GSTA3: variants seen among roughly 807,000 people sequenced by gnomAD.
GSTA3 encodes glutathione S-transferase alpha 3.
GSTA3 carries 16 observed loss-of-function variants against 23.1 expected under a neutral mutation model. The ratio of observed to expected loss-of-function variants is 0.69; its 90% CI spans 0.47 to 1.05. The LOEUF is 1.05. Among genes scored for constraint, GSTA3 ranks in the 50% least tolerant of loss-of-function variants. The pLI is 0.00. For synonymous variants in GSTA3, 122 were observed against 91.0 expected (o/e 1.34, Z -1.94); for missense variants, 319 against 263.6 (o/e 1.21, Z -1.46).
At chr6:52,903,168 C>T (rs948198207) in intron 3 of GSTA3, among the ~76,000 whole-genome samples, 2 of 152,014 alleles carry the variant, frequency 1.3e-5, no homozygotes, top group African/African-American at 4.8e-5. Context: ...GAGGTCTGGC[C>T]TTTTAGCCTG....
At chr6:52,907,504 C>T (rs542854362) in intron 1 of GSTA3, among the ~76,000 whole-genome samples, 2 of 150,830 alleles carry the variant, frequency 1.3e-5, no homozygotes, top group East Asian at 3.9e-4. Context: ...AATCATGCTG[C>T]TATAAAGACA....
intron 2 of GSTA3, among the ~76,000 whole-genome samples, chr6:52,904,494 G>A (rs1221649487): frequency 6.6e-6 from 1 of 152,176 alleles, no homozygotes; most frequent in African/African-American, 2.4e-5. Context: ...TGAGAAAGGT[G>A]AGTCCCAAGC....
chr6:52,898,142 C>G (rs1765526040), intron 5 of GSTA3, among the ~76,000 whole-genome samples, 186 bp from the exon 6 acceptor site: 1 of 152,152 alleles, frequency 6.6e-6, no homozygotes, highest in African/African-American at 2.4e-5. Flanking sequence ...GCTCACTCCT[C>G]AGTTGGAGCT....
intron 1 of GSTA3, among the ~76,000 whole-genome samples, chr6:52,908,193 C>A (rs1765961916): frequency 1.3e-5 from 2 of 148,742 alleles, no homozygotes; most frequent in Non-Finnish European, 3.0e-5. Context: ...CTATAGCGCT[C>A]ACTGTTTTAG....
chr6:52,897,181 T>C (rs1039507202), intron 6 of GSTA3, among the ~76,000 whole-genome samples: 2 of 152,202 alleles, frequency 1.3e-5, no homozygotes, highest in South Asian at 2.1e-4. Flanking sequence ...TACATATCAA[T>C]CCTGTAGATT....
In GSTA3 at chr6:52,903,802, T is replaced by C; in HGVS notation, c.88-75A>G. The stretch of plus-strand genomic sequence containing the variant: ...TACAGACTTGTGACCTTGAATGGCC[T>C]CCATCTGGTACATAATTTGGAGAAC... On this transcript the variant is annotated intron_variant, in intron 2 of 6. Transcript: ENST00000211122. 3.7e-6 allele frequency: 3 copies of C among 812,310 alleles called. No individual in the cohort carries two copies. In the South Asian group the frequency reaches 4.4e-5, roughly 12 times the overall value. 50.3% of individuals were successfully genotyped at this position (812,310 alleles called of 1,614,324 possible).
intron 5 of GSTA3, 127 bp from the exon 6 acceptor site, chr6:52,898,083 G>T: frequency 9.3e-7 from 1 of 1,078,486 alleles, no homozygotes; most frequent in Non-Finnish European, 1.4e-6. Flanking sequence ...GAAGGTCCAG[G>T]CCTTTGTTTA....
chr6:52,905,887 G>A (rs564842707), intron 1 of GSTA3, 32 bp from the exon 2 acceptor site: 1 of 1,085,074 alleles, frequency 9.2e-7, no homozygotes, highest in African/African-American at 1.6e-5. Flanking sequence ...ATGAATGGAT[G>A]AATGAATGAG....
intron 1 of GSTA3, among the ~76,000 whole-genome samples, chr6:52,908,688 G>A (rs1441861155): frequency 6.6e-6 from 1 of 152,160 alleles, no homozygotes; most frequent in African/African-American, 2.4e-5. Flanking sequence ...AATTGGATAA[G>A]TGCTTTGGCA....
At chr6:52,900,290 T>A (rs1198079801) in intron 4 of GSTA3, among the ~76,000 whole-genome samples, 3 of 148,404 alleles carry the variant, frequency 2.0e-5, no homozygotes, top group African/African-American at 7.6e-5. Flanking sequence ...TGAGATGGAG[T>A]TTCCCTCATT....
chr6:52,900,273 T>C (rs1431527835), intron 4 of GSTA3, among the ~76,000 whole-genome samples, 198 bp from the exon 5 acceptor site: 1 of 150,654 alleles, frequency 6.6e-6, no homozygotes, highest in Non-Finnish European at 1.5e-5. Flanking sequence ...TCTTTTTTTT[T>C]TTTTTTTGAG....
At chr6:52,906,792 C>T (rs1181390343) in intron 1 of GSTA3, among the ~76,000 whole-genome samples, 1 of 150,832 alleles carries the variant, frequency 6.6e-6, no homozygotes, top group African/African-American at 2.4e-5. Flanking sequence ...CCCTTCCTTA[C>T]ACCTTATACA....
At chr6:52,903,765 G>T in intron 2 of GSTA3, 38 bp from the exon 3 acceptor site, 5 of 1,236,894 alleles carry the variant, frequency 4.0e-6, no homozygotes, top group Non-Finnish European at 6.0e-6. Context: ...TTGTTAGTTC[G>T]TTCCATAGCA....
Position 52,896,718 on chromosome 6 carries a change from G to A in GSTA3, c.*88C>T. 3 of 1,452,000 alleles carry A rather than the reference G, an allele frequency of 2.1e-6. No homozygotes were observed. Among genetic ancestry groups the A allele is most frequent in the Non-Finnish European group, 1.9e-6 (2 of 1,048,942 alleles). The allele number at this position is 1,452,000 out of a possible 1,614,324, so 89.9% of individuals were successfully genotyped here. A position where few individuals can be genotyped will look rare whatever the true frequency, so the allele number is the denominator to read the frequency against. On this transcript the variant is annotated 3_prime_UTR_variant, in exon 7 of 7. Transcript: ENST00000211122. Reference sequence around the variant, plus strand: ...AAAGGGTTCATTAGCTTTACAACAGGCACAATCAACACTTAAGTAAAGCAC... The same window carrying A: ...AAAGGGTTCATTAGCTTTACAACAGACACAATCAACACTTAAGTAAAGCAC...
Position 52,905,799 on chromosome 6 carries a change from T to C in GSTA3, c.36A>G (p.Gly12=). 1 of 1,610,752 alleles carries C rather than the reference T, an allele frequency of 6.2e-7. No individual in the cohort carries two copies. Among genetic ancestry groups the C allele is most frequent in the South Asian group, 1.1e-5 (1 of 90,786 alleles). Residue 12 remains glycine, a synonymous_variant, in exon 2 of 7, where the codon GGA becomes GGG. Coordinates refer to ENST00000211122, the MANE Select transcript of GSTA3 (RefSeq NM_000847.5). ...AGKPKLHYFN[G]RGRMEPIRWL... ...ACCGGATGGGCTCCATTCTGCCCCG[T>C]CCATTGAAGTAGTGAAGCTTGGGCT...
chr6:52,905,051 CA>C, intron 2 of GSTA3, among the ~76,000 whole-genome samples: 1 of 152,344 alleles, frequency 6.6e-6, no homozygotes, highest in East Asian at 1.9e-4. Flanking sequence ...CAGTTTGTCA[CA>C]ATCCACTCCC....
chr6:52,909,678 AG>A lies in GSTA3; in HGVS notation c.-60del, dbSNP rs1766004699. 6.6e-6 allele frequency: 1 copy of A among 152,222 alleles called. No individual in the cohort carries two copies. The allele number at this position is 152,222 out of a possible 1,614,324, so 9.4% of individuals were successfully genotyped here. A position where few individuals can be genotyped will look rare whatever the true frequency, so the allele number is the denominator to read the frequency against. ...TAGCCGGTCTCCGCTCAGCTTCTCA[AG>A]GCCACCTCCTGATGTGTATGTTAGC... On this transcript the variant is annotated 5_prime_UTR_variant, in exon 1 of 7. Transcript: ENST00000211122.
At chr6:52,908,979 G>T (rs1765983289) in intron 1 of GSTA3, among the ~76,000 whole-genome samples, 1 of 151,970 alleles carries the variant, frequency 6.6e-6, no homozygotes, top group Non-Finnish European at 1.5e-5. Flanking sequence ...GAAGAAAGAG[G>T]GCAAAGAGAA....
chr6:52,904,074 T>A (rs531369827), intron 2 of GSTA3, among the ~76,000 whole-genome samples: 5 of 152,226 alleles, frequency 3.3e-5, no homozygotes, highest in South Asian at 4.2e-4. Context: ...GCAGCCTTGA[T>A]CTACCAGGCC....
Sources: gnomAD v4.1 joint callset for allele counts (sites outside exome capture counted in the v4.1 genomes callset) on GRCh38, gnomAD v4.1.1 for gene constraint, MANE v1.5 for transcripts, NCBI Gene and HGNC (gene_info 2026-07-23, HGNC 2026-07-21) for gene names.